The following SPAG17 variants were observed in gnomAD, a reference collection of about 807,000 sequenced individuals.
The protein encoded by SPAG17 is sperm-associated antigen 17.
Under a neutral mutation model 273.6 loss-of-function variants are expected in SPAG17, and 169 were observed. The ratio of observed to expected loss-of-function variants is 0.62; its 90% CI spans 0.55 to 0.70. The LOEUF (loss-of-function observed/expected upper bound fraction) is 0.70. SPAG17 is among the 30% of genes least tolerant of loss of function. The probability of loss-of-function intolerance (pLI) is 0.00; values close to 1 mark genes in which losing one functional copy is unlikely to be tolerated. For synonymous variants in SPAG17, 825 were observed against 873.2 expected (o/e 0.94, Z 0.97); for missense variants, 2,557 against 2,627.8 (o/e 0.97, Z 0.59).
chr1:118,140,222 A>G (rs1473581438), intron 3 of SPAG17, among the ~76,000 whole-genome samples: 2 of 152,220 alleles, frequency 1.3e-5, no homozygotes, highest in African/African-American at 4.8e-5. Context: ...GACTAAGACA[A>G]TAGTCAAAAG....
At chr1:118,035,975 T>C (rs1649031126) in intron 24 of SPAG17, among the ~76,000 whole-genome samples, 1 of 152,164 alleles carries the variant, frequency 6.6e-6, no homozygotes, top group African/African-American at 2.4e-5. Context: ...GGAGGATCAC[T>C]TGAGCACAGG....
At chr1:118,025,474 T>C (rs955513489) in intron 26 of SPAG17, 58 bp from the exon 27 acceptor site, 2 of 1,170,256 alleles carry the variant, frequency 1.7e-6, no homozygotes, top group African/African-American at 1.6e-5. Context: ...CTGGATTTTA[T>C]CATCTTGCTT....
chr1:118,167,309 A>C (rs556216605), intron 1 of SPAG17, among the ~76,000 whole-genome samples: 1 of 152,186 alleles, frequency 6.6e-6, no homozygotes, highest in Non-Finnish European at 1.5e-5. Context: ...TAAATTAATC[A>C]ATTTTTAAGT....
intron 28 of SPAG17, among the ~76,000 whole-genome samples, chr1:118,017,517 G>A (rs1237830353): frequency 3.3e-5 from 5 of 152,130 alleles, no homozygotes; most frequent in Admixed American, 1.3e-4. Flanking sequence ...TTAGCAGTAC[G>A]TTAGAGACCT....
rs113425521 is a variant in SPAG17 at position 118,090,676 on chromosome 1, G to A, written c.1359+930C>T. Among the ~76,000 whole-genome samples the A allele has an allele frequency of 6.6e-3, 1,002 of 152,196 alleles. 10 individuals are homozygous for A. The highest frequency in any genetic ancestry group is 0.016 in the African/African-American group (661 of 41,542). ...AGGTGGGAGGTTGGCTTGGGGCCAC[G>A]AGTTAAAGACCATACTGGGCAACAT... is the stretch of plus-strand genomic sequence containing the variant. On this transcript the variant is annotated intron_variant, in intron 10 of 48. Coordinates refer to ENST00000336338, the MANE Select transcript of SPAG17 (RefSeq NM_206996.4).
At chr1:118,114,830 A>C (rs533320091) in intron 4 of SPAG17, among the ~76,000 whole-genome samples, 1 of 152,184 alleles carries the variant, frequency 6.6e-6, no homozygotes, top group African/African-American at 2.4e-5. Context: ...GCAATATAGG[A>C]GTAGAAGTGA....
At chr1:118,022,872 A>G (rs1177225155) in intron 28 of SPAG17, among the ~76,000 whole-genome samples, 1 of 152,136 alleles carries the variant, frequency 6.6e-6, no homozygotes, top group African/African-American at 2.4e-5. Context: ...CACTTGAAGA[A>G]AGCTCTTGCA....
At chr1:118,181,353 A>T (rs1446711604) in intron 1 of SPAG17, among the ~76,000 whole-genome samples, 1 of 147,918 alleles carries the variant, frequency 6.8e-6, no homozygotes, top group Admixed American at 6.7e-5. Flanking sequence ...AGAATGGATT[A>T]AAAAAAAAAC....
At chr1:118,032,418 C>T (rs1648578619) in intron 24 of SPAG17, among the ~76,000 whole-genome samples, 2 of 151,934 alleles carry the variant, frequency 1.3e-5, no homozygotes, top group African/African-American at 4.8e-5. Context: ...AAAAGGAGAG[C>T]TCATGCTAGG....
At chr1:118,108,685 T>A (rs1656562461) in intron 4 of SPAG17, among the ~76,000 whole-genome samples, 1 of 151,522 alleles carries the variant, frequency 6.6e-6, no homozygotes, top group African/African-American at 2.4e-5. Flanking sequence ...GAAGGAAGAG[T>A]CAAGTTTGCC....
intron 48 of SPAG17, among the ~76,000 whole-genome samples, chr1:117,955,927 C>T (rs1652135092): frequency 6.6e-6 from 1 of 152,132 alleles, no homozygotes; most frequent in Admixed American, 6.5e-5. Flanking sequence ...GTCCTAGCAG[C>T]CTAATAACTG....
Position 117,996,750 on chromosome 1 carries a change from G to A in SPAG17, c.4777-7C>T. 6.3e-7 allele frequency: 1 copy of A among 1,591,628 alleles called. No individual in the cohort carries two copies. The highest frequency in any genetic ancestry group is 1.4e-5 in the African/African-American group (1 of 73,512). ...TGCTACCATCAGCCATGACCTAAGG[G>A]ATAAAGTATGTAAGCAACTAAAAGA... On this transcript the variant is annotated splice_polypyrimidine_tract_variant and splice_region_variant and intron_variant, in intron 32 of 48. Coordinates refer to ENST00000336338, the MANE Select transcript of SPAG17 (RefSeq NM_206996.4).
chr1:118,017,825 A>G (rs1660124114), intron 28 of SPAG17, among the ~76,000 whole-genome samples: 2 of 152,118 alleles, frequency 1.3e-5, no homozygotes, highest in Admixed American at 1.3e-4. Flanking sequence ...TTAATCATCT[A>G]TTTTCTTCCA....
At chr1:118,125,374 G>T (rs1657659788) in intron 3 of SPAG17, among the ~76,000 whole-genome samples, 1 of 151,942 alleles carries the variant, frequency 6.6e-6, no homozygotes, top group Non-Finnish European at 1.5e-5. Flanking sequence ...TCATTTCTTT[G>T]TGTTAGGAAC....
At chr1:117,957,234 C>T in intron 48 of SPAG17, 1 of 1,593,690 alleles carries the variant, frequency 6.3e-7, no homozygotes, top group Non-Finnish European at 8.5e-7. Flanking sequence ...GTCTGTTCAG[C>T]AGAACTGCTT....
At chr1:118,009,248 A>AACACACACAC (rs55873088) in intron 30 of SPAG17, among the ~76,000 whole-genome samples, 6 of 142,608 alleles carry the variant, frequency 4.2e-5, no homozygotes, top group African/African-American at 1.0e-4. Flanking sequence ...AGGTGCTCAT[A>AACACACACAC]ACACACACAC....
Position 117,996,761 on chromosome 1 carries a change from T to A in SPAG17, c.4777-18A>T. 6.3e-7 allele frequency: 1 copy of A among 1,575,578 alleles called. No homozygotes were observed. On this transcript the variant is annotated intron_variant, in intron 32 of 48. Transcript: ENST00000336338. ...GCCATGACCTAAGGGATAAAGTATG[T>A]AAGCAACTAAAAGAAAAGAAAGTCA...
chr1:117,965,209 G>T (rs1173255925), intron 47 of SPAG17: 1 of 152,014 alleles, frequency 6.6e-6, no homozygotes, highest in Non-Finnish European at 1.5e-5. Flanking sequence ...AATTTTCTTT[G>T]ACATCTCAAT....
chr1:118,053,795 A>G (rs971203655), intron 20 of SPAG17, among the ~76,000 whole-genome samples: 1 of 152,012 alleles, frequency 6.6e-6, no homozygotes, highest in African/African-American at 2.4e-5. Flanking sequence ...AAGCTATAAC[A>G]TATACACAAA....
Sources: gnomAD v4.1 joint callset for allele counts (sites outside exome capture counted in the v4.1 genomes callset) on GRCh38, gnomAD v4.1.1 for gene constraint, MANE v1.5 for transcripts, NCBI Gene and HGNC (gene_info 2026-07-23, HGNC 2026-07-21) for gene names.